ATXN7L1: variants seen among roughly 807,000 people sequenced by gnomAD.
ATXN7L1 encodes the protein ataxin-7-like protein 1.
A neutral mutation model predicts 70.8 loss-of-function variants in ATXN7L1; 15 were observed. The ratio of observed to expected loss-of-function variants is 0.21; its 90% CI spans 0.14 to 0.33. The LOEUF (loss-of-function observed/expected upper bound fraction) is 0.33, where lower values mean the gene tolerates loss of function less well. Ranked by LOEUF, ATXN7L1 falls within the 10% of genes least tolerant of loss-of-function variation. The pLI is 1.00. For missense variants in ATXN7L1, 975 were observed against 1,097.1 expected, an observed-to-expected ratio of 0.89 and a Z score of 1.57; for synonymous variants, 440 against 445.1, an observed-to-expected ratio of 0.99 and a Z score of 0.14.
In ATXN7L1 at chr7:105,778,286, C is replaced by T. The variant is rs565131164; in HGVS notation, c.355+10318G>A. The stretch of plus-strand genomic sequence containing the variant: ...CTTTGGGAGGCTGAGGCAGGAGGAT[C>T]GCTTGAGCCCAGGAGTTTGAGACCA... On this transcript the variant is annotated intron_variant, in intron 3 of 11. Transcript: ENST00000419735. 2.7e-5 allele frequency among the ~76,000 whole-genome samples: 4 copies of T among 150,154 alleles called. No homozygotes were observed. The East Asian group carries it at 5.9e-4, about 22-fold the overall frequency.
intron 3 of ATXN7L1, among the ~76,000 whole-genome samples, chr7:105,768,390 CTT>C (rs1383705152): frequency 6.6e-6 from 1 of 152,214 alleles, no homozygotes; most frequent in Non-Finnish European, 1.5e-5. Flanking sequence ...CTCCAGATCG[CTT>C]TCTCTCAACT....
At chr7:105,613,797 A>G (rs1482976461) in intron 10 of ATXN7L1, 65 bp downstream of exon 10, 8 of 1,551,048 alleles carry the variant, frequency 5.2e-6, no homozygotes, top group Non-Finnish European at 5.2e-6. Flanking sequence ...CCGGCTAAGC[A>G]GGGGCGCTGC....
intron 2 of ATXN7L1, among the ~76,000 whole-genome samples, chr7:105,846,636 A>G (rs758290657): frequency 6.6e-6 from 1 of 152,226 alleles, no homozygotes; most frequent in Admixed American, 6.5e-5. Flanking sequence ...AAGAGAAAAC[A>G]TATGTCCACA....
chr7:105,674,701 C>T (rs892991354), intron 3 of ATXN7L1, among the ~76,000 whole-genome samples: 2 of 152,220 alleles, frequency 1.3e-5, no homozygotes, highest in African/African-American at 4.8e-5. Flanking sequence ...TCCAGAGCTG[C>T]TGTGAAGTCA....
intron 9 of ATXN7L1, among the ~76,000 whole-genome samples, chr7:105,616,346 C>G (rs559400552): frequency 4.6e-5 from 7 of 152,316 alleles, no homozygotes; most frequent in African/African-American, 1.4e-4. Flanking sequence ...TCTCTCCTAG[C>G]GTTCCTCTCT....
intron 3 of ATXN7L1, among the ~76,000 whole-genome samples, chr7:105,724,573 C>CAAAAAAAAAAAAA (rs573733959): frequency 2.5e-5 from 2 of 80,486 alleles, no homozygotes; most frequent in African/African-American, 7.5e-5. Context: ...GACTCTGTCT[C>CAAAAAAAAAAAAA]AAAAAAAAAA....
At chr7:105,801,506 A>G (rs1449646890) in intron 2 of ATXN7L1, among the ~76,000 whole-genome samples, 1 of 152,190 alleles carries the variant, frequency 6.6e-6, no homozygotes, top group African/African-American at 2.4e-5. Flanking sequence ...TCACTACTAA[A>G]GTGGAGACAC....
intron 2 of ATXN7L1, among the ~76,000 whole-genome samples, chr7:105,789,287 TG>T (rs1804778832): frequency 6.6e-6 from 1 of 152,208 alleles, no homozygotes; most frequent in Admixed American, 6.5e-5. Context: ...AGTGCCTGAA[TG>T]TGCCAGGCAC....
chr7:105,817,071 C>G (rs965776755), intron 2 of ATXN7L1, among the ~76,000 whole-genome samples: 9 of 152,214 alleles, frequency 5.9e-5, no homozygotes, highest in Non-Finnish European at 1.0e-4. Context: ...TTAAATTATA[C>G]TGGTGTTTAC....
chr7:105,848,378 T>C (rs987522443), intron 2 of ATXN7L1, among the ~76,000 whole-genome samples: 15 of 152,216 alleles, frequency 9.9e-5, no homozygotes, highest in African/African-American at 3.6e-4. Context: ...AGCATTCCAC[T>C]TCTAAGAATT....
intron 2 of ATXN7L1, among the ~76,000 whole-genome samples, chr7:105,820,490 TAGAC>T (rs1312212211): frequency 1.3e-5 from 2 of 152,184 alleles, no homozygotes; most frequent in Non-Finnish European, 2.9e-5. Flanking sequence ...GCAGCTTGGC[TAGAC>T]AGAGAGCTGT....
At chr7:105,795,392 C>T (rs746533160) in intron 2 of ATXN7L1, among the ~76,000 whole-genome samples, 15 of 152,172 alleles carry the variant, frequency 9.9e-5, no homozygotes, top group Non-Finnish European at 1.9e-4. Context: ...AAAATGGTTA[C>T]AGTTAAGGAA....
chr7:105,641,214 C>CTTTTTTTTTTTTTT (rs561100060), intron 5 of ATXN7L1, among the ~76,000 whole-genome samples: 5 of 21,784 alleles, frequency 2.3e-4, no homozygotes, highest in Non-Finnish European at 3.4e-4. Flanking sequence ...CTCTCTCTCT[C>CTTTTTTTTTTTTTT]TTTTTTTTTT....
chr7:105,712,320 C>A (rs1188463918), intron 3 of ATXN7L1, among the ~76,000 whole-genome samples: 1 of 152,232 alleles, frequency 6.6e-6, no homozygotes. Context: ...TAACATTCAG[C>A]TCCTCTTTAA....
chr7:105,784,996 G>A lies in ATXN7L1; in HGVS notation c.355+3608C>T, dbSNP rs575979. 4.0e-4 allele frequency among the ~76,000 whole-genome samples: 61 copies of A among 152,326 alleles called. 2 individuals carry two copies. In the East Asian group the frequency reaches 0.01, roughly 26 times the overall value. On this transcript the variant is annotated intron_variant, in intron 3 of 11. Coordinates refer to ENST00000419735, the MANE Select transcript of ATXN7L1 (RefSeq NM_020725.2). The stretch of plus-strand genomic sequence containing the variant: ...TTCCCATATATATTTATGGATTGGG[G>A]TTTTATATAAGATTCCATTTGAAAG...
At chr7:105,774,483 C>T (rs1473206175) in intron 3 of ATXN7L1, among the ~76,000 whole-genome samples, 4 of 151,722 alleles carry the variant, frequency 2.6e-5, no homozygotes, top group Non-Finnish European at 4.4e-5. Context: ...TCCCTAGTAG[C>T]TGAGATAACA....
chr7:105,728,180 C>T lies in ATXN7L1; in HGVS notation c.355+60424G>A, dbSNP rs566841666. Among the ~76,000 whole-genome samples the T allele has an allele frequency of 3.3e-4, 50 of 152,056 alleles. 1 individual carries two copies. The highest frequency in any genetic ancestry group is 1.5e-3 in the South Asian group (7 of 4,812). The stretch of plus-strand genomic sequence containing the variant: ...CAAGAAAATCTAACTGTATTACAAA[C>T]GTGTAAAAAAACTTCACTGAAGAGG... On this transcript the variant is annotated intron_variant, in intron 3 of 11. Transcript: ENST00000419735.
At chr7:105,719,154 GGAAA>G (rs1794907140) in intron 3 of ATXN7L1, among the ~76,000 whole-genome samples, 1 of 152,180 alleles carries the variant, frequency 6.6e-6, no homozygotes, top group African/African-American at 2.4e-5. Context: ...GGGAAGCAAA[GGAAA>G]GAGAAAGAGG....
At chr7:105,812,304 G>A (rs6967440) in intron 2 of ATXN7L1, among the ~76,000 whole-genome samples, 9,577 of 152,248 alleles carry the variant, frequency 0.063, 520 homozygotes, top group East Asian at 0.26. Flanking sequence ...TGGAGTCAAC[G>A]AAAACATATG....
Sources: gnomAD v4.1 joint callset for allele counts (sites outside exome capture counted in the v4.1 genomes callset) on GRCh38, gnomAD v4.1.1 for gene constraint, MANE v1.5 for transcripts, NCBI Gene and HGNC (gene_info 2026-07-23, HGNC 2026-07-21) for gene names.